RC3H2: variants seen among roughly 807,000 people sequenced by gnomAD.
The protein encoded by RC3H2 is roquin-2.
A neutral mutation model predicts 133.3 loss-of-function variants in RC3H2; 31 were observed. That is an observed-to-expected ratio of 0.23 (90% confidence interval 0.17 to 0.31). RC3H2 has a LOEUF of 0.31. Ranked by LOEUF, RC3H2 falls within the 10% of genes least tolerant of loss-of-function variation. The pLI, the probability that RC3H2 is intolerant of heterozygous loss-of-function variation, is 1.00. For synonymous variants in RC3H2, 517 were observed against 502.2 expected (o/e 1.03, Z -0.40); for missense variants, 1,175 against 1,437.2 (o/e 0.82, Z 2.95).
intron 14 of RC3H2, 78 bp from the exon 15 acceptor site, chr9:122,855,475 T>C (rs1364973590): frequency 5.9e-6 from 8 of 1,354,758 alleles, no homozygotes; most frequent in Admixed American, 5.5e-5. Context: ...TCAAAAGACA[T>C]GTAATTAGGT....
At chr9:122,904,229 G>C (rs1832758074) in intron 1 of RC3H2, among the ~76,000 whole-genome samples, 1 of 152,164 alleles carries the variant, frequency 6.6e-6, no homozygotes. Context: ...GAATTAAAAA[G>C]GGAACCCAAG....
At chr9:122,870,709 C>G (rs772844371) in intron 9 of RC3H2, among the ~76,000 whole-genome samples, 2 of 152,164 alleles carry the variant, frequency 1.3e-5, no homozygotes, top group Non-Finnish European at 2.9e-5. Context: ...CACCACCATG[C>G]GTAACTCTCC....
At position 122,849,417 on chromosome 9, in the gene RC3H2, T is replaced by A. The variant is rs1588045193; in HGVS notation, c.*210A>T. The A allele has an allele frequency of 6.1e-6, 1 of 164,170 alleles. No individual in the cohort carries two copies. The allele number at this position is 164,170 out of a possible 1,614,324, so 10.2% of individuals were successfully genotyped here. ...TCCAATCATTTCTGGAAAGTGAACATGTTACCCTAGTAAAGTAAATTTTCT... is the reference window on the plus strand; with the variant it reads ...TCCAATCATTTCTGGAAAGTGAACAAGTTACCCTAGTAAAGTAAATTTTCT... On this transcript the variant is annotated 3_prime_UTR_variant, in exon 21 of 21. Coordinates refer to ENST00000357244, the MANE Select transcript of RC3H2 (RefSeq NM_001100588.3).
At chr9:122,852,053 A>C (rs897595295) in intron 18 of RC3H2, among the ~76,000 whole-genome samples, 8 of 147,064 alleles carry the variant, frequency 5.4e-5, no homozygotes, top group Non-Finnish European at 1.5e-5. Context: ...GGAAGTGAGG[A>C]GCGCCTCTTC....
intron 4 of RC3H2, among the ~76,000 whole-genome samples, chr9:122,885,053 A>G (rs1412270902): frequency 6.6e-6 from 1 of 152,154 alleles, no homozygotes; most frequent in Non-Finnish European, 1.5e-5. Flanking sequence ...TTTTTGGAAT[A>G]GTTGACAAAA....
intron 3 of RC3H2, among the ~76,000 whole-genome samples, chr9:122,892,140 C>A (rs1832204016): frequency 6.7e-6 from 1 of 149,774 alleles, no homozygotes; most frequent in Non-Finnish European, 1.5e-5. Flanking sequence ...GAGACAAGGT[C>A]TCACTCCCAT....
At chr9:122,883,133 G>A (rs1164356940) in intron 5 of RC3H2, 71 bp downstream of exon 5, 3 of 1,426,194 alleles carry the variant, frequency 2.1e-6, no homozygotes, top group East Asian at 4.6e-5. Flanking sequence ...CCTCTAGACT[G>A]GGTAACATGA....
At chr9:122,858,114 CAATCTT>C (rs766828607) in intron 12 of RC3H2, 21 bp from the exon 13 acceptor site, 2 of 1,608,738 alleles carry the variant, frequency 1.2e-6, no homozygotes, top group South Asian at 1.1e-5. Context: ...ATAAAAGAAA[CAATCTT>C]AATCATCTAG....
At chr9:122,892,449 C>T (rs1028928603) in intron 3 of RC3H2, among the ~76,000 whole-genome samples, 6 of 151,652 alleles carry the variant, frequency 4.0e-5, no homozygotes, top group Admixed American at 2.6e-4. Flanking sequence ...CTTGCTCTGT[C>T]GCCCCAGGCT....
rs1337832807 is a variant in RC3H2, at chr9:122,847,578, T to G, written c.*2049A>C. On this transcript the variant is annotated 3_prime_UTR_variant, in exon 21 of 21. Transcript: ENST00000357244. The stretch of plus-strand genomic sequence containing the variant: ...CATTTCAAATGTAATAAGCACATAT[T>G]TATAGAAAGGTTCTGATATAAATTA... 1 of 152,116 alleles carries G rather than the reference T, an allele frequency of 6.6e-6. No homozygotes were observed. The highest frequency in any genetic ancestry group is 2.4e-5 in the African/African-American group (1 of 41,436). 9.4% of individuals were successfully genotyped at this position (152,116 alleles called of 1,614,324 possible).
intron 13 of RC3H2, 107 bp downstream of exon 13, chr9:122,857,816 C>G: frequency 1.2e-6 from 1 of 845,680 alleles, no homozygotes; most frequent in South Asian, 1.8e-5. Flanking sequence ...AATTGCACAC[C>G]AAACCACTGC....
At chr9:122,861,490 C>CA (rs1197442646) in intron 10 of RC3H2, among the ~76,000 whole-genome samples, 1,102 of 55,612 alleles carry the variant, frequency 0.02, 5 homozygotes, top group Non-Finnish European at 0.036. Context: ...AACTCCGTCT[C>CA]AAAAAAAAAA....
chr9:122,855,150 A>G, intron 15 of RC3H2, 34 bp downstream of exon 15: 1 of 1,517,382 alleles, frequency 6.6e-7, no homozygotes, highest in Non-Finnish European at 9.1e-7. Flanking sequence ...AGTGCTTAGA[A>G]CATATCAGGC....
Position 122,851,139 on chromosome 9 carries a change from G to A in RC3H2, c.3322C>T (p.His1108Tyr), listed in dbSNP as rs746497757. ...AVENGHPVQQ[H>Y]QKEPPKQKKQ... is the part of the protein sequence containing the mutation. ...TTCTGCTTTGGTGGCTCCTTTTGGT[G>A]CTGCTGTACTGGATGCCCATTTTCC... The change falls in exon 20 of 21, where the codon CAC (histidine) becomes TAC (tyrosine). Residue 1108 changes from histidine (H) to tyrosine (Y), a missense_variant. This residue lies in a region of RC3H2 where 220 missense variants were observed against 201.1 expected (regional missense o/e 1.09). Transcript: ENST00000357244. The A allele has an allele frequency of 4.3e-6, 7 of 1,614,016 alleles. 1 individual carries two copies. The South Asian group carries it at 7.7e-5, about 18-fold the overall frequency.
chr9:122,889,775 T>G (rs183736699), intron 4 of RC3H2, among the ~76,000 whole-genome samples: 2 of 152,332 alleles, frequency 1.3e-5, no homozygotes, highest in Admixed American at 1.3e-4. Context: ...TGATGGCAAT[T>G]GAAGCTTAAA....
chr9:122,901,647 G>T (rs1296037854), intron 1 of RC3H2, among the ~76,000 whole-genome samples: 4 of 147,714 alleles, frequency 2.7e-5, no homozygotes, highest in Non-Finnish European at 5.9e-5. Flanking sequence ...GCTGGAGTGC[G>T]GTGGTGCGAT....
chr9:122,858,120 T>G, intron 12 of RC3H2, 27 bp from the exon 13 acceptor site: 2 of 1,605,462 alleles, frequency 1.2e-6, no homozygotes, highest in Non-Finnish European at 1.7e-6. Context: ...GAAACAATCT[T>G]AATCATCTAG....
chr9:122,879,924 G>C (rs1242363505), intron 7 of RC3H2, 51 bp from the exon 8 acceptor site: 2 of 1,610,264 alleles, frequency 1.2e-6, no homozygotes, highest in East Asian at 4.5e-5. Flanking sequence ...AATGTTAGCA[G>C]TAATTCTCTT....
Position 122,905,303 on chromosome 9 carries a change from T to C in RC3H2, c.-261A>G. The C allele has an allele frequency of 1.0e-6, 1 of 981,152 alleles. No homozygotes were observed. The highest frequency in any genetic ancestry group is 1.2e-6 in the Non-Finnish European group (1 of 825,758). The allele number at this position is 981,152 out of a possible 1,614,324, so 60.8% of individuals were successfully genotyped here. ...CGCGACGGGGCCTCCTCCTCCTCCC[T>C]CCACCTCCGCCTCCTCCTCCTCCTC... On this transcript the variant is annotated 5_prime_UTR_variant, in exon 1 of 21. Coordinates refer to ENST00000357244, the MANE Select transcript of RC3H2 (RefSeq NM_001100588.3).
Sources: allele counts gnomAD v4.1 joint callset (sites outside exome capture counted in the v4.1 genomes callset), GRCh38; gene constraint gnomAD v4.1.1; regional missense constraint gnomAD v4.1.1; transcripts MANE v1.5; gene names NCBI Gene and HGNC (gene_info 2026-07-23, HGNC 2026-07-21).